Variants in ZRANB3 observed in about 807,000 individuals in gnomAD.
The protein encoded by ZRANB3 is DNA annealing helicase and endonuclease ZRANB3.
ZRANB3 carries 125 observed loss-of-function variants against 133.8 expected under a neutral mutation model. That is an observed-to-expected ratio of 0.93 (90% CI 0.81 to 1.08). The LOEUF is 1.08. ZRANB3 is among the 50% of genes least tolerant of loss of function. The pLI, the probability that ZRANB3 is intolerant of heterozygous loss-of-function variation, is 0.00. For synonymous variants in ZRANB3, 387 were observed against 432.7 expected, an observed-to-expected ratio of 0.89 and a Z score of 1.31; for missense variants, 1,229 against 1,275.5, an observed-to-expected ratio of 0.96 and a Z score of 0.56.
chr2:135,274,148 T>A (rs181721415), intron 9 of ZRANB3, among the ~76,000 whole-genome samples: 3 of 152,364 alleles, frequency 2.0e-5, no homozygotes, highest in Admixed American at 2.0e-4. Flanking sequence ...TCTTTGGTAA[T>A]ATTAATGAAC....
chr2:135,298,822 A>C (rs566615408), intron 8 of ZRANB3, among the ~76,000 whole-genome samples: 10 of 152,262 alleles, frequency 6.6e-5, no homozygotes, highest in African/African-American at 2.4e-4. Flanking sequence ...TGAATTTGTC[A>C]CATGTACAGA....
At chr2:135,274,578 C>T (rs1680689739) in intron 9 of ZRANB3, among the ~76,000 whole-genome samples, 1 of 150,790 alleles carries the variant, frequency 6.6e-6, no homozygotes, top group African/African-American at 2.4e-5. Context: ...GGCAGCATAT[C>T]TTTTTTTTTA....
Position 135,485,185 on chromosome 2 carries a change from A to AAACATAACAT in ZRANB3, c.161+19134_161+19143dup, listed in dbSNP as rs1223723608. Among the ~76,000 whole-genome samples the AAACATAACAT allele has an allele frequency of 3.3e-3, 405 of 121,702 alleles. 5 individuals carry two copies. The highest frequency in any genetic ancestry group is 2.7e-3 in the East Asian group (11 of 4,074). The allele number at this position is 121,702 out of a possible 152,430, so 79.8% of individuals were successfully genotyped here. A position where few individuals can be genotyped will look rare whatever the true frequency, so the allele number is the denominator to read the frequency against. On this transcript the variant is annotated intron_variant, in intron 2 of 20. Transcript: ENST00000264159. ...AAACAAAACAAAACAAAACAAAACA[A>AAACATAACAT]AACATAACATAACATAACATAACAT...
At chr2:135,236,756 A>C (rs570292491) in intron 12 of ZRANB3, among the ~76,000 whole-genome samples, 1 of 151,418 alleles carries the variant, frequency 6.6e-6, no homozygotes, top group Admixed American at 6.6e-5. Flanking sequence ...CTGGAAGTGG[A>C]TCCCTTCCTT....
At chr2:135,210,220 A>G (rs1694039205) in intron 17 of ZRANB3, among the ~76,000 whole-genome samples, 1 of 152,202 alleles carries the variant, frequency 6.6e-6, no homozygotes, top group South Asian at 2.1e-4. Context: ...CAATTAGACC[A>G]AAAGATCTTT....
At chr2:135,242,497 CA>C (rs1471937740) in intron 12 of ZRANB3, among the ~76,000 whole-genome samples, 4 of 151,112 alleles carry the variant, frequency 2.6e-5, no homozygotes, top group Non-Finnish European at 4.4e-5. Context: ...CAGTGTTACC[CA>C]GGGGGGGCTC....
rs947903497 is a variant in ZRANB3 at position 135,439,198 on chromosome 2, T to C, written c.162-48378A>G. On this transcript the variant is annotated intron_variant, in intron 2 of 20. Transcript: ENST00000264159. ...CTAAGGTCTGTCAGAGGAAACTACATTTGTTAAAGTATCTTTTATAGAATA... is the reference window on the plus strand; with the variant it reads ...CTAAGGTCTGTCAGAGGAAACTACACTTGTTAAAGTATCTTTTATAGAATA... Among the ~76,000 whole-genome samples the C allele has an allele frequency of 2.0e-5, 3 of 152,232 alleles. No individual in the cohort carries two copies. In the South Asian group the frequency reaches 6.2e-4, roughly 32 times the overall value.
intron 8 of ZRANB3, among the ~76,000 whole-genome samples, chr2:135,277,250 C>T (rs565517232): frequency 6.6e-6 from 1 of 152,166 alleles, no homozygotes; most frequent in African/African-American, 2.4e-5. Flanking sequence ...TCTGACCAGC[C>T]AAGAGAAAAA....
intron 2 of ZRANB3, among the ~76,000 whole-genome samples, chr2:135,439,216 A>G (rs1240033088): frequency 1.3e-5 from 2 of 152,214 alleles, no homozygotes; most frequent in Non-Finnish European, 2.9e-5. Context: ...AGTATCTTTT[A>G]TAGAATACTT....
At chr2:135,410,129 A>G (rs1219308873) in intron 2 of ZRANB3, among the ~76,000 whole-genome samples, 1 of 152,176 alleles carries the variant, frequency 6.6e-6, no homozygotes. Flanking sequence ...AGGACTAGAG[A>G]AAAGTATTTT....
chr2:135,481,496 T>C (rs941478320), intron 2 of ZRANB3, among the ~76,000 whole-genome samples: 12 of 152,226 alleles, frequency 7.9e-5, no homozygotes, highest in African/African-American at 2.7e-4. Flanking sequence ...TTTGAGTTCA[T>C]TGTAGATTCT....
At chr2:135,418,515 A>G (rs980833658) in intron 2 of ZRANB3, among the ~76,000 whole-genome samples, 1 of 152,232 alleles carries the variant, frequency 6.6e-6, no homozygotes, top group African/African-American at 2.4e-5. Flanking sequence ...ATTGTATGTC[A>G]TAATAGCCTC....
intron 2 of ZRANB3, among the ~76,000 whole-genome samples, chr2:135,391,884 GTTT>G (rs919097839): frequency 2.0e-5 from 3 of 152,074 alleles, no homozygotes; most frequent in African/African-American, 4.8e-5. Flanking sequence ...TGGCCGCTGA[GTTT>G]TTATTTCTAT....
chr2:135,312,823 C>T (rs1683063825), intron 8 of ZRANB3, among the ~76,000 whole-genome samples: 2 of 151,750 alleles, frequency 1.3e-5, no homozygotes, highest in Non-Finnish European at 1.5e-5. Context: ...CAAGACCAGC[C>T]TGGCCAACAT....
chr2:135,467,302 G>A (rs572654146), intron 2 of ZRANB3, among the ~76,000 whole-genome samples: 1 of 152,238 alleles, frequency 6.6e-6, no homozygotes, highest in East Asian at 1.9e-4. Flanking sequence ...CATATCTACA[G>A]TTAAGACTCC....
intron 2 of ZRANB3, among the ~76,000 whole-genome samples, chr2:135,425,774 C>T (rs556834078): frequency 3.3e-5 from 5 of 151,736 alleles, no homozygotes; most frequent in Admixed American, 3.3e-4. Flanking sequence ...TAACATCACA[C>T]CAAGAGGAAA....
intron 12 of ZRANB3, among the ~76,000 whole-genome samples, chr2:135,231,429 T>C (rs1289656630): frequency 6.6e-6 from 1 of 152,112 alleles, no homozygotes; most frequent in Admixed American, 6.5e-5. Context: ...TGCTCACACA[T>C]AATGTTATTC....
At chr2:135,471,151 G>A (rs1691251605) in intron 2 of ZRANB3, among the ~76,000 whole-genome samples, 1 of 149,320 alleles carries the variant, frequency 6.7e-6, no homozygotes, top group Non-Finnish European at 1.5e-5. Flanking sequence ...GGCAATGAAA[G>A]AAATTACAGA....
chr2:135,286,929 GTCTCA>G (rs1299903370), intron 8 of ZRANB3, among the ~76,000 whole-genome samples: 1 of 152,148 alleles, frequency 6.6e-6, no homozygotes, highest in Non-Finnish European at 1.5e-5. Context: ...ATTTATTTAA[GTCTCA>G]TCTATTTATC....
Sources: allele counts gnomAD v4.1 joint callset (sites outside exome capture counted in the v4.1 genomes callset), GRCh38; gene constraint gnomAD v4.1.1; transcripts MANE v1.5; gene names NCBI Gene and HGNC (gene_info 2026-07-23, HGNC 2026-07-21).